SLC30A8: variants seen among roughly 807,000 people sequenced by gnomAD.
SLC30A8 encodes the protein solute carrier family 30 member 8.
SLC30A8 carries 27 observed loss-of-function variants against 36.9 expected under a neutral mutation model. The ratio of observed to expected loss-of-function variants is 0.73; its 90% confidence interval spans 0.54 to 1.01. The LOEUF (loss-of-function observed/expected upper bound fraction) is 1.01. SLC30A8 is among the 50% of genes least tolerant of loss of function. The pLI, the probability that SLC30A8 is intolerant of heterozygous loss-of-function variation, is 0.00. For missense variants in SLC30A8, 439 were observed against 452.0 expected, an observed-to-expected ratio of 0.97 and a Z score of 0.26; for synonymous variants, 164 against 172.4, an observed-to-expected ratio of 0.95 and a Z score of 0.38.
chr8:117,048,850 G>T (rs1009140370), intron 2 of SLC30A8, among the ~76,000 whole-genome samples: 2 of 152,182 alleles, frequency 1.3e-5, no homozygotes, highest in Admixed American at 6.5e-5. Context: ...CAACATTCCC[G>T]ATTGGATTAA....
At chr8:117,024,189 A>G (rs928429498) in intron 1 of SLC30A8, among the ~76,000 whole-genome samples, 1 of 152,182 alleles carries the variant, frequency 6.6e-6, no homozygotes, top group African/African-American at 2.4e-5. Context: ...CTTTTATGTA[A>G]TGTTATTTCC....
At chr8:117,093,437 G>A (rs113126802) in intron 2 of SLC30A8, among the ~76,000 whole-genome samples, 49 of 151,804 alleles carry the variant, frequency 3.2e-4, no homozygotes, top group African/African-American at 1.1e-3. Context: ...GTTCTTCTAA[G>A]TATTTCTCTC....
intron 2 of SLC30A8, among the ~76,000 whole-genome samples, chr8:117,043,925 AG>A (rs1563762205): frequency 2.0e-5 from 3 of 152,372 alleles, no homozygotes; most frequent in Admixed American, 6.5e-5. Flanking sequence ...TTTAAGCTAC[AG>A]GCTATAAGGT....
At chr8:117,019,326 T>A (rs1223314516) in intron 1 of SLC30A8, among the ~76,000 whole-genome samples, 1 of 152,238 alleles carries the variant, frequency 6.6e-6, no homozygotes, top group Non-Finnish European at 1.5e-5. Context: ...GCAACAGATG[T>A]TTACTCCTCG....
At chr8:117,068,156 A>G (rs866726988) in intron 2 of SLC30A8, among the ~76,000 whole-genome samples, 2 of 152,306 alleles carry the variant, frequency 1.3e-5, no homozygotes, top group South Asian at 4.1e-4. Flanking sequence ...ATTCTTTTTA[A>G]TGAATATTAC....
chr8:117,098,396 A>G (rs923224907), intron 2 of SLC30A8, among the ~76,000 whole-genome samples: 5 of 152,108 alleles, frequency 3.3e-5, no homozygotes, highest in African/African-American at 1.2e-4. Flanking sequence ...AGAATACTCA[A>G]AATCTTTGGT....
rs1821307972 is a variant in SLC30A8 at position 117,135,287 on chromosome 8, A to G, written c.-41A>G. ...GCTTCCAAAACTGGGCAGTGAGTTC[A>G]ACAACAACGACAACAACAGCCGCAG... On this transcript the variant is annotated 5_prime_UTR_variant, in exon 1 of 8. Transcript: ENST00000456015. 6.6e-7 allele frequency: 1 copy of G among 1,523,100 alleles called. No individual in the cohort carries two copies. 94.3% of individuals were successfully genotyped at this position (1,523,100 alleles called of 1,614,324 possible).
At chr8:117,013,230 A>C (rs370133804) in intron 1 of SLC30A8, among the ~76,000 whole-genome samples, 1 of 152,210 alleles carries the variant, frequency 6.6e-6, no homozygotes, top group Non-Finnish European at 1.5e-5. Flanking sequence ...AAGGAAAAGC[A>C]TAAGAATGTT....
At chr8:117,080,317 T>A (rs957005155) in intron 2 of SLC30A8, among the ~76,000 whole-genome samples, 1 of 152,276 alleles carries the variant, frequency 6.6e-6, no homozygotes, top group South Asian at 2.1e-4. Context: ...TTTATTTTTT[T>A]AATTATTTTT....
At chr8:116,962,858 A>G (rs1814472819) in intron 1 of SLC30A8, among the ~76,000 whole-genome samples, 1 of 152,074 alleles carries the variant, frequency 6.6e-6, no homozygotes. Flanking sequence ...TATGGTTATC[A>G]TTTTAACATA....
At chr8:117,020,509 C>T (rs1041894000) in intron 1 of SLC30A8, among the ~76,000 whole-genome samples, 5 of 152,074 alleles carry the variant, frequency 3.3e-5, no homozygotes, top group African/African-American at 1.2e-4. Context: ...CTTGACCTAG[C>T]AGTCTTATTC....
chr8:116,971,706 A>G (rs190153726), intron 1 of SLC30A8, among the ~76,000 whole-genome samples: 71 of 152,260 alleles, frequency 4.7e-4, no homozygotes, highest in African/African-American at 1.6e-3. Context: ...TTGTCTCTGT[A>G]GACAATGAAT....
rs1163777378 is a variant in SLC30A8, at chr8:116,979,109, C to T, written c.-266+27990C>T. Among the ~76,000 whole-genome samples, 8 of 151,118 alleles carry T rather than the reference C, an allele frequency of 5.3e-5. No homozygotes were observed. The East Asian group carries it at 1.6e-3, about 30-fold the overall frequency. On this transcript the variant is annotated intron_variant, in intron 1 of 10. Transcript: ENST00000427715. ...AAAATTAGCTGGGTGTGGTGACACA[C>T]GCTTGTAGTATCCCAGCTACTCGGG...
chr8:117,130,070 T>C (rs935018163), upstream of SLC30A8: 3 of 151,984 alleles, frequency 2.0e-5, no homozygotes, highest in African/African-American at 7.2e-5. Context: ...GTGGTGAGAT[T>C]TGCGACAATT....
rs1480727279 is a variant in SLC30A8, at chr8:117,174,344, A to T, written c.*1663A>T. 6.6e-6 allele frequency: 1 copy of T among 152,458 alleles called. No homozygotes were observed. The highest frequency in any genetic ancestry group is 1.9e-4 in the East Asian group (1 of 5,178). 9.4% of individuals were successfully genotyped at this position (152,458 alleles called of 1,614,324 possible). A position where few individuals can be genotyped will look rare whatever the true frequency, so the allele number is the denominator to read the frequency against. On this transcript the variant is annotated 3_prime_UTR_variant, in exon 8 of 8. Coordinates refer to ENST00000456015, the MANE Select transcript of SLC30A8 (RefSeq NM_173851.3). ...GAGGGCCAAGAAAACATTGACTTTGACTGAGGAGGTCACATCTGTGCCATC... is the reference window on the plus strand; with the variant it reads ...GAGGGCCAAGAAAACATTGACTTTGTCTGAGGAGGTCACATCTGTGCCATC...
At chr8:117,071,146 A>G (rs908930308) in intron 2 of SLC30A8, among the ~76,000 whole-genome samples, 3 of 152,106 alleles carry the variant, frequency 2.0e-5, no homozygotes, top group African/African-American at 4.8e-5. Context: ...TGGCTATACT[A>G]ATTTATAGTC....
chr8:116,959,997 A>G (rs1355714067), intron 1 of SLC30A8, among the ~76,000 whole-genome samples: 1 of 152,184 alleles, frequency 6.6e-6, no homozygotes, highest in Non-Finnish European at 1.5e-5. Flanking sequence ...CAACTCAGAG[A>G]GCTTGTCAGG....
chr8:117,091,562 T>C (rs896694582), intron 2 of SLC30A8, among the ~76,000 whole-genome samples: 7 of 152,232 alleles, frequency 4.6e-5, no homozygotes, highest in African/African-American at 1.4e-4. Context: ...TTGAATTATC[T>C]TGGTGGTAAG....
chr8:117,004,203 A>G (rs1054242764), intron 1 of SLC30A8, among the ~76,000 whole-genome samples: 16 of 152,156 alleles, frequency 1.1e-4, no homozygotes, highest in Admixed American at 1.3e-4. Context: ...ACATGTTCTC[A>G]TTTTCATTCT....
Sources: gnomAD v4.1 joint callset for allele counts (sites outside exome capture counted in the v4.1 genomes callset) on GRCh38, gnomAD v4.1.1 for gene constraint, MANE v1.5 for transcripts, NCBI Gene and HGNC (gene_info 2026-07-23, HGNC 2026-07-21) for gene names.